MICU3: variants seen among roughly 807,000 people sequenced by gnomAD.
MICU3 encodes mitochondrial calcium uptake 3, also known as calcium uptake protein 3, mitochondrial.
A neutral mutation model predicts 66.5 loss-of-function variants in MICU3; 62 were observed. The observed-to-expected ratio is 0.93, with a 90% confidence interval of 0.76 to 1.15. MICU3 has a LOEUF of 1.15. MICU3 is among the 50% of genes most tolerant of loss of function. The pLI, the probability that MICU3 is intolerant of heterozygous loss-of-function variation, is 0.00. For synonymous variants in MICU3, 308 were observed against 240.7 expected, an observed-to-expected ratio of 1.28 and a Z score of -2.59; for missense variants, 779 against 664.4, an observed-to-expected ratio of 1.17 and a Z score of -1.90.
At chr8:17,037,214 G>A (rs1451469719) in intron 1 of MICU3, among the ~76,000 whole-genome samples, 1 of 152,198 alleles carries the variant, frequency 6.6e-6, no homozygotes, top group Non-Finnish European at 1.5e-5. Flanking sequence ...ATACCTCCCT[G>A]CAAGCTGAGG....
intron 5 of MICU3, among the ~76,000 whole-genome samples, chr8:17,083,471 C>A (rs1462037919): frequency 6.6e-6 from 1 of 152,050 alleles, no homozygotes; most frequent in Non-Finnish European, 1.5e-5. Flanking sequence ...CGCTTATCAT[C>A]TTTCTTTTAA....
At chr8:17,076,274 A>G (rs1028944281) in intron 3 of MICU3, among the ~76,000 whole-genome samples, 3 of 152,056 alleles carry the variant, frequency 2.0e-5, no homozygotes, top group African/African-American at 7.2e-5. Context: ...GATTCAAGGG[A>G]TCTACCCACC....
chr8:17,065,423 A>G (rs1360433246), intron 2 of MICU3, among the ~76,000 whole-genome samples: 1 of 152,200 alleles, frequency 6.6e-6, no homozygotes, highest in Non-Finnish European at 1.5e-5. Context: ...AATTCATAGA[A>G]TGTGTATGAA....
At chr8:17,125,922 C>T (rs991033549), downstream of MICU3, among the ~76,000 whole-genome samples, 1 of 149,620 alleles carries the variant, frequency 6.7e-6, no homozygotes, top group Non-Finnish European at 1.5e-5. Context: ...CCCAGCTACT[C>T]GGGAGGCTGA....
downstream of MICU3, among the ~76,000 whole-genome samples, chr8:17,126,018 G>C (rs150951731): frequency 3.1e-3 from 409 of 130,868 alleles, no homozygotes; most frequent in African/African-American, 0.011. Flanking sequence ...AACAGAGCAA[G>C]ACTCCATCTC....
Position 17,097,210 on chromosome 8 carries a change from T to C in MICU3, c.889-1248T>C, listed in dbSNP as rs906666458. Among the ~76,000 whole-genome samples, 8 of 151,920 alleles carry C rather than the reference T, an allele frequency of 5.3e-5. No individual in the cohort carries two copies. In the South Asian group the frequency reaches 1.7e-3, roughly 32 times the overall value. On this transcript the variant is annotated intron_variant, in intron 8 of 14. Coordinates refer to ENST00000318063, the MANE Select transcript of MICU3 (RefSeq NM_181723.3). The stretch of plus-strand genomic sequence containing the variant: ...GAATAATATTTTCAGATCAATCATT[T>C]GATCTAGCTAGTATTTATTGAGGTT...
intron 4 of MICU3, among the ~76,000 whole-genome samples, chr8:17,079,683 A>G (rs781376615): frequency 1.1e-4 from 16 of 151,908 alleles, no homozygotes; most frequent in African/African-American, 3.9e-4. Flanking sequence ...TTGTAGAGAC[A>G]AAGTCTCACT....
intron 6 of MICU3, among the ~76,000 whole-genome samples, 192 bp from the exon 7 acceptor site, chr8:17,086,772 G>C (rs1281449894): frequency 1.3e-5 from 2 of 151,712 alleles, no homozygotes; most frequent in Non-Finnish European, 2.9e-5. Flanking sequence ...CTTAATTATG[G>C]GTTACCAATA....
rs184515644 is a variant in MICU3 at position 17,077,800 on chromosome 8, C to T, written c.585C>T (p.Leu195=). The change falls in exon 4 of 15, where the codon CTC becomes CTT. Residue 195 remains leucine, a synonymous_variant. Coordinates refer to ENST00000318063, the MANE Select transcript of MICU3 (RefSeq NM_181723.3). The stretch of plus-strand genomic sequence containing the variant: ...TGTCATAGGAATTAAATCAAATGCT[C>T]GCAGAAACACCACCAGTTTGGAAAG... ...SLSKQELNQM[L]AETPPVWKGS... 3.8e-4 allele frequency: 609 copies of T among 1,610,382 alleles called. 6 individuals carry two copies. The East Asian group carries it at 0.011, about 30-fold the overall frequency.
At chr8:17,134,625 T>C in the MICU3 span, among the ~76,000 whole-genome samples, 125 of 152,244 alleles carry the variant, frequency 8.2e-4, 2 homozygotes, top group South Asian at 0.014. Flanking sequence ...TTTTATTTTT[T>C]AGTAGAGACG....
At chr8:17,128,467 CTT>C in the MICU3 span, among the ~76,000 whole-genome samples, 1 of 152,152 alleles carries the variant, frequency 6.6e-6, no homozygotes, top group South Asian at 2.1e-4. Context: ...GTGAAATTAA[CTT>C]TGAAATTTCA....
intron 12 of MICU3, among the ~76,000 whole-genome samples, chr8:17,116,110 C>T (rs1802654207): frequency 6.6e-6 from 1 of 152,192 alleles, no homozygotes; most frequent in African/African-American, 2.4e-5. Flanking sequence ...ATTATTTGGG[C>T]AGGGGTCTCA....
intron 1 of MICU3, among the ~76,000 whole-genome samples, chr8:17,030,069 CTGT>C (rs1253735987): frequency 6.6e-6 from 1 of 152,102 alleles, no homozygotes; most frequent in East Asian, 1.9e-4. Flanking sequence ...TTTGTGTTCT[CTGT>C]TGTTGATGAG....
intron 1 of MICU3, among the ~76,000 whole-genome samples, chr8:17,043,819 C>CA (rs1431584146): frequency 2.0e-5 from 3 of 152,154 alleles, no homozygotes; most frequent in Admixed American, 6.5e-5. Flanking sequence ...CTTAACAAAT[C>CA]AAAGTCAAGA....
chr8:17,058,404 G>A (rs1046790860), intron 1 of MICU3, among the ~76,000 whole-genome samples: 2 of 152,042 alleles, frequency 1.3e-5, no homozygotes, highest in Non-Finnish European at 1.5e-5. Context: ...CAGTGAAATG[G>A]CCATATTTGT....
At chr8:17,092,694 C>G (rs1464453875) in intron 8 of MICU3, among the ~76,000 whole-genome samples, 6 of 151,882 alleles carry the variant, frequency 4.0e-5, no homozygotes, top group African/African-American at 1.2e-4. Context: ...TTTTCATAAA[C>G]TACAAGCAAA....
At chr8:17,080,462 C>T (rs188224797) in intron 4 of MICU3, among the ~76,000 whole-genome samples, 1 of 152,132 alleles carries the variant, frequency 6.6e-6, no homozygotes, top group Non-Finnish European at 1.5e-5. Flanking sequence ...ACCAGGTCAA[C>T]TAGAACAACA....
chr8:17,084,795 A>G (rs753141185), intron 5 of MICU3, among the ~76,000 whole-genome samples: 16 of 152,152 alleles, frequency 1.1e-4, no homozygotes, highest in Non-Finnish European at 1.8e-4. Flanking sequence ...AGTTTAAACT[A>G]TAATGTCTTA....
chr8:17,038,114 A>T (rs567205916), intron 1 of MICU3, among the ~76,000 whole-genome samples: 2 of 152,238 alleles, frequency 1.3e-5, no homozygotes, highest in East Asian at 3.9e-4. Flanking sequence ...TAATACTGAA[A>T]TGAGTTAAGA....
Sources: gnomAD v4.1 joint callset for allele counts (sites outside exome capture counted in the v4.1 genomes callset) on GRCh38, gnomAD v4.1.1 for gene constraint, MANE v1.5 for transcripts, NCBI Gene and HGNC (gene_info 2026-07-23, HGNC 2026-07-21) for gene names.